PCDH15: variants seen among roughly 807,000 people sequenced by gnomAD.
PCDH15 encodes the protein protocadherin-15.
A neutral mutation model predicts 178.5 loss-of-function variants in PCDH15; 129 were observed. That is an observed-to-expected ratio of 0.72 (90% CI 0.63 to 0.84). The LOEUF is 0.84. Among genes scored for constraint, PCDH15 ranks in the 40% least tolerant of loss-of-function variants. PCDH15 has a pLI of 0.00. For missense variants in PCDH15, 2,230 were observed against 2,099.9 expected (o/e 1.06, Z -1.21); for synonymous variants, 800 against 732.0 (o/e 1.09, Z -1.50).
intron 35 of PCDH15, among the ~76,000 whole-genome samples, chr10:53,813,404 C>T (rs527871942): frequency 2.0e-5 from 3 of 152,130 alleles, no homozygotes; most frequent in Non-Finnish European, 4.4e-5. Context: ...GATGTTAAAA[C>T]TAGTATAGTT....
At chr10:55,336,064 T>C (rs1408463658) in intron 2 of PCDH15, among the ~76,000 whole-genome samples, 2 of 149,640 alleles carry the variant, frequency 1.3e-5, no homozygotes, top group Admixed American at 1.4e-4. Flanking sequence ...TTGGTTTGTG[T>C]ATTGTAGGAT....
intron 2 of PCDH15, among the ~76,000 whole-genome samples, chr10:55,520,185 TATATATATATACAC>T: frequency 1.4e-5 from 1 of 71,064 alleles, no homozygotes; most frequent in South Asian, 5.4e-4. Context: ...ACGCAATGTG[TATATATATATACAC>T]GCAATGTGTA....
At chr10:54,344,836 C>T (rs1942927520) in intron 6 of PCDH15, among the ~76,000 whole-genome samples, 2 of 139,758 alleles carry the variant, frequency 1.4e-5, no homozygotes, top group Admixed American at 1.5e-4. Context: ...GTCACATTCT[C>T]ATCATATCCC....
chr10:54,826,139 A>G (rs544611505), intron 3 of PCDH15, among the ~76,000 whole-genome samples: 2 of 152,020 alleles, frequency 1.3e-5, no homozygotes, highest in Non-Finnish European at 2.9e-5. Flanking sequence ...TTTATGCCTT[A>G]CACTGTAGAT....
intron 13 of PCDH15, among the ~76,000 whole-genome samples, chr10:54,169,593 C>G (rs1249759130): frequency 6.7e-6 from 1 of 149,630 alleles, no homozygotes; most frequent in Non-Finnish European, 1.5e-5. Context: ...CGCCCTTCTT[C>G]CCAATCCAAA....
intron 1 of PCDH15, among the ~76,000 whole-genome samples, chr10:54,692,220 A>C (rs902694017): frequency 1.3e-5 from 2 of 152,158 alleles, no homozygotes; most frequent in Admixed American, 6.6e-5. Context: ...ACTTTTAAGA[A>C]GATATATTTC....
intron 2 of PCDH15, among the ~76,000 whole-genome samples, chr10:54,960,654 A>T (rs1364521748): frequency 6.6e-6 from 1 of 152,200 alleles, no homozygotes; most frequent in Admixed American, 6.5e-5. Flanking sequence ...TTCTCAACCC[A>T]ATATTAAGAA....
At chr10:54,832,884 G>T (rs537549357) in intron 3 of PCDH15, among the ~76,000 whole-genome samples, 1 of 152,248 alleles carries the variant, frequency 6.6e-6, no homozygotes, top group South Asian at 2.1e-4. Context: ...ATAGATGAAA[G>T]AGAGCTCAAG....
chr10:55,233,190 T>A (rs1453284238), intron 1 of PCDH15, among the ~76,000 whole-genome samples: 1 of 152,118 alleles, frequency 6.6e-6, no homozygotes, highest in East Asian at 1.9e-4. Context: ...GGAGATACAA[T>A]TAAATAGTCT....
At chr10:55,077,348 T>C (rs915163770) in intron 2 of PCDH15, among the ~76,000 whole-genome samples, 10 of 152,094 alleles carry the variant, frequency 6.6e-5, no homozygotes, top group African/African-American at 2.2e-4. Flanking sequence ...TATTCAATGT[T>C]CTTTTCTTTT....
intron 2 of PCDH15, among the ~76,000 whole-genome samples, chr10:54,966,376 G>A (rs995115903): frequency 9.9e-5 from 15 of 151,936 alleles, no homozygotes; most frequent in African/African-American, 3.4e-4. Context: ...TCTGAGAAAC[G>A]TATGGTTAGG....
At chr10:55,416,032 C>CA (rs548509500) in intron 2 of PCDH15, among the ~76,000 whole-genome samples, 8 of 132,394 alleles carry the variant, frequency 6.0e-5, no homozygotes, top group Non-Finnish European at 1.1e-4. Flanking sequence ...GCTTTTAAGG[C>CA]AAAAAAACAA....
intron 1 of PCDH15, among the ~76,000 whole-genome samples, chr10:55,210,579 T>C (rs923059857): frequency 5.3e-5 from 8 of 149,852 alleles, no homozygotes; most frequent in African/African-American, 2.0e-4. Flanking sequence ...AAAAGCTAAT[T>C]GAATTTGGCT....
intron 2 of PCDH15, among the ~76,000 whole-genome samples, chr10:54,929,035 G>GTTAGA (rs1837700962): frequency 6.6e-6 from 1 of 152,134 alleles, no homozygotes; most frequent in Non-Finnish European, 1.5e-5. Flanking sequence ...TTATTGCATT[G>GTTAGA]GTTCTTTCTC....
At chr10:54,179,337 C>A (rs2047749225) in intron 13 of PCDH15, among the ~76,000 whole-genome samples, 1 of 146,238 alleles carries the variant, frequency 6.8e-6, no homozygotes, top group Non-Finnish European at 1.5e-5. Flanking sequence ...CCAAACACCG[C>A]ATGTTCTCAC....
intron 30 of PCDH15, among the ~76,000 whole-genome samples, chr10:53,829,904 T>C (rs2076918614): frequency 6.6e-6 from 1 of 152,212 alleles, no homozygotes; most frequent in South Asian, 2.1e-4. Flanking sequence ...ATAGCAAAGT[T>C]CATTCAGAGC....
intron 2 of PCDH15, among the ~76,000 whole-genome samples, chr10:55,450,213 T>G (rs549099938): frequency 6.6e-6 from 1 of 152,236 alleles, no homozygotes; most frequent in East Asian, 1.9e-4. Flanking sequence ...TAAGAGTGAA[T>G]GGACAGCTCA....
intron 2 of PCDH15, chr10:54,585,653 GGTGAGGACTGTGCAATTACTA>G (rs1187827501): frequency 8.1e-5 from 13 of 161,462 alleles, no homozygotes; most frequent in African/African-American, 2.9e-4. Context: ...TGGGGGAGGC[GGTGAGGACTGTGCAATTACTA>G]GTCACTGTTT....
intron 1 of PCDH15, among the ~76,000 whole-genome samples, chr10:54,796,310 C>G (rs185358534): frequency 1.3e-5 from 2 of 150,230 alleles, no homozygotes; most frequent in Admixed American, 1.3e-4. Context: ...ATCTATCTAT[C>G]TATCTATCTA....
Sources: allele counts gnomAD v4.1 joint callset (sites outside exome capture counted in the v4.1 genomes callset), GRCh38; gene constraint gnomAD v4.1.1; transcripts MANE v1.5; gene names NCBI Gene and HGNC (gene_info 2026-07-23, HGNC 2026-07-21).